NECTIN3: variants seen among roughly 807,000 people sequenced by gnomAD.
NECTIN3 encodes nectin cell adhesion molecule 3.
NECTIN3 carries 8 observed loss-of-function variants against 49.4 expected under a neutral mutation model. That is an observed-to-expected ratio of 0.16 (90% CI 0.10 to 0.29). The LOEUF is 0.29. NECTIN3 is among the 10% of genes least tolerant of loss of function. The pLI is 1.00. For synonymous variants in NECTIN3, 277 were observed against 241.1 expected, an observed-to-expected ratio of 1.15 and a Z score of -1.38; for missense variants, 581 against 654.6, an observed-to-expected ratio of 0.89 and a Z score of 1.23.
At chr3:111,124,575 T>G (rs2107475101) in intron 4 of NECTIN3, among the ~76,000 whole-genome samples, 1 of 152,320 alleles carries the variant, frequency 6.6e-6, no homozygotes, top group African/African-American at 2.4e-5. Context: ...CAAAGCCTTC[T>G]AAAGAAAAAG....
At chr3:111,159,902 A>T (rs1357722399) in intron 7 of NECTIN3, among the ~76,000 whole-genome samples, 1 of 152,190 alleles carries the variant, frequency 6.6e-6, no homozygotes, top group African/African-American at 2.4e-5. Context: ...TTTTTTATAC[A>T]TACCTTAAAT....
At chr3:111,118,229 T>G (rs909871585) in intron 2 of NECTIN3, among the ~76,000 whole-genome samples, 1 of 127,240 alleles carries the variant, frequency 7.9e-6, no homozygotes, top group South Asian at 2.5e-4. Flanking sequence ...CTTTAAAATT[T>G]TTTTACTGTA....
Position 111,159,649 on chromosome 3 carries a change from C to T in NECTIN3, c.1221+12165C>T, listed in dbSNP as rs1449264593. On this transcript the variant is annotated intron_variant, in intron 7 of 8. Coordinates refer to the NECTIN3 transcript ENST00000493615. ...TCAAAGCTCAGTCTTCTACTCAAGG[C>T]GAAATTTCCTCCAACATCATTCCTA... is the stretch of plus-strand genomic sequence containing the variant. Among the ~76,000 whole-genome samples, 5 of 152,132 alleles carry T rather than the reference C, an allele frequency of 3.3e-5. No homozygotes were observed. The East Asian group carries it at 5.8e-4, about 18-fold the overall frequency.
intron 7 of NECTIN3, among the ~76,000 whole-genome samples, chr3:111,157,040 A>G (rs181032167): frequency 1.7e-4 from 26 of 152,262 alleles, no homozygotes; most frequent in Admixed American, 1.5e-3. Flanking sequence ...AAGCCCCACA[A>G]TGACATATGT....
chr3:111,072,051 C>A lies in NECTIN3; in HGVS notation c.34C>A (p.Pro12Thr). The change falls in exon 1 of 6, where the codon CCT becomes ACT. Residue 12 changes from proline to threonine, a missense_variant. Coordinates refer to ENST00000485303, the MANE Select transcript of NECTIN3 (RefSeq NM_015480.3). Reference protein sequence around the residue: ...ARTLRPSPLCPGGGKAQLSSA... With the variant: ...ARTLRPSPLCTGGGKAQLSSA... ...GACCCTGCGGCCGTCCCCGCTGTGT[C>A]CTGGAGGCGGCAAAGCACAACTTTC... The A allele has an allele frequency of 6.5e-7, 1 of 1,547,462 alleles. No homozygotes were observed. The highest frequency in any genetic ancestry group is 1.2e-5 in the South Asian group (1 of 83,642).
At chr3:111,094,777 C>G (rs1310345990) in intron 1 of NECTIN3, among the ~76,000 whole-genome samples, 2 of 152,128 alleles carry the variant, frequency 1.3e-5, no homozygotes, top group African/African-American at 4.8e-5. Context: ...TCATTTGGGG[C>G]TGATCATGAG....
Position 111,133,630 on chromosome 3 carries a change from A to C in NECTIN3, c.1070-5A>C, listed in dbSNP as rs767199815. 6.2e-7 allele frequency: 1 copy of C among 1,609,544 alleles called. No homozygotes were observed. The highest frequency in any genetic ancestry group is 1.1e-5 in the South Asian group (1 of 90,324). On this transcript the variant is annotated splice_polypyrimidine_tract_variant and splice_region_variant and intron_variant, in intron 5 of 5. Coordinates refer to ENST00000485303, the MANE Select transcript of NECTIN3 (RefSeq NM_015480.3). ...TGTCTTCTCTATCTTTACTGTTTCC[A>C]TTAGATCCTCCTACTACTACCACCC...
intron 7 of NECTIN3, among the ~76,000 whole-genome samples, chr3:111,171,472 C>T (rs2035431639): frequency 6.6e-6 from 1 of 152,212 alleles, no homozygotes; most frequent in Non-Finnish European, 1.5e-5. Flanking sequence ...TGCTACTTCT[C>T]ATTCATCAGT....
intron 7 of NECTIN3, among the ~76,000 whole-genome samples, chr3:111,162,186 A>T (rs1040714214): frequency 6.6e-6 from 1 of 152,112 alleles, no homozygotes; most frequent in Non-Finnish European, 1.5e-5. Context: ...TAGACCTTGA[A>T]AATTAAACAC....
chr3:111,148,815 TA>T (rs942185037), intron 7 of NECTIN3, among the ~76,000 whole-genome samples: 22 of 152,118 alleles, frequency 1.4e-4, no homozygotes, highest in African/African-American at 4.1e-4. Flanking sequence ...ATTCATCTCT[TA>T]TTTTTTAACC....
rs202203829 is a variant in NECTIN3, at chr3:111,134,039, A to G, written c.1474A>G (p.Lys492Glu). Residue 492 changes from lysine to glutamate, a missense_variant, in exon 6 of 6, where the codon AAA (lysine) becomes GAA (glutamate). Lys to Glu is a moderately conservative substitution (Grantham distance 56, BLOSUM62 1). Around this residue, in one of 3 missense-constraint regions of NECTIN3, gnomAD observed 238 missense variants for 244.9 expected, o/e 0.97. Transcript: ENST00000485303. The part of the protein sequence containing the change: ...IRKDYLEEPE[K>E]TQWNNVENLN... The stretch of plus-strand genomic sequence containing the variant: ...TAAAGACTATTTAGAAGAGCCTGAA[A>G]AAACTCAGTGGAACAATGTAGAAAA... The G allele has an allele frequency of 1.2e-4, 192 of 1,613,168 alleles. No homozygotes were observed. Among genetic ancestry groups the G allele is most frequent in the Middle Eastern group, 1.6e-4 (1 of 6,080 alleles).
intron 7 of NECTIN3, among the ~76,000 whole-genome samples, chr3:111,177,965 A>C (rs1375260828): frequency 6.6e-6 from 1 of 152,210 alleles, no homozygotes; most frequent in Non-Finnish European, 1.5e-5. Flanking sequence ...ATTTAGGTAA[A>C]GTATCACTTT....
chr3:111,105,857 C>T (rs576670258), intron 1 of NECTIN3, among the ~76,000 whole-genome samples: 1 of 152,190 alleles, frequency 6.6e-6, no homozygotes, highest in East Asian at 1.9e-4. Flanking sequence ...TTGTTTCAGG[C>T]AAAAGGATAA....
At chr3:111,184,568 T>C (rs1395674711) in intron 7 of NECTIN3, among the ~76,000 whole-genome samples, 2 of 152,210 alleles carry the variant, frequency 1.3e-5, no homozygotes. Flanking sequence ...AATAAACTTC[T>C]ATTGTTTACA....
Position 111,135,223 on chromosome 3 carries a change from T to C in NECTIN3, c.*1008T>C. 1 of 973,686 alleles carries C rather than the reference T, an allele frequency of 1.0e-6. No homozygotes were observed. Among genetic ancestry groups the C allele is most frequent in the Non-Finnish European group, 1.2e-6 (1 of 819,426 alleles). The allele number at this position is 973,686 out of a possible 1,614,324, so 60.3% of individuals were successfully genotyped here. On this transcript the variant is annotated 3_prime_UTR_variant, in exon 6 of 6. Coordinates refer to ENST00000485303, the MANE Select transcript of NECTIN3 (RefSeq NM_015480.3). ...GGGTAAATGTACAGAAAGAAAATTT[T>C]AGAGTAAACTTGGAACTTTGGATAT...
chr3:111,155,899 G>C (rs2035089222), intron 7 of NECTIN3, among the ~76,000 whole-genome samples: 1 of 152,094 alleles, frequency 6.6e-6, no homozygotes, highest in Non-Finnish European at 1.5e-5. Context: ...AATAATATCT[G>C]TTACTACCTA....
intron 4 of NECTIN3, 146 bp from the exon 5 acceptor site, chr3:111,126,037 CT>C (rs895408809): frequency 9.3e-4 from 505 of 543,424 alleles, no homozygotes; most frequent in South Asian, 2.3e-3. Context: ...AAATTTGTTA[CT>C]TTTTTTTTAT....
intron 7 of NECTIN3, among the ~76,000 whole-genome samples, chr3:111,183,129 C>G (rs2035655906): frequency 6.6e-6 from 1 of 151,402 alleles, no homozygotes; most frequent in Non-Finnish European, 1.5e-5. Flanking sequence ...TTATTTCTCC[C>G]TGCGTTATAA....
Position 111,136,483 on chromosome 3 carries a change from T to C in NECTIN3, c.*2268T>C. 1.0e-6 allele frequency: 1 copy of C among 983,854 alleles called. No individual in the cohort carries two copies. The highest frequency in any genetic ancestry group is 1.2e-6 in the Non-Finnish European group (1 of 828,660). 60.9% of individuals were successfully genotyped at this position (983,854 alleles called of 1,614,324 possible). ...CTAAAAGGTTTCTGTGTTGTAAGAA[T>C]CTGATACTAGTGCTTAAGACTTTGG... On this transcript the variant is annotated 3_prime_UTR_variant, in exon 6 of 6. Transcript: ENST00000485303.
Sources: allele counts gnomAD v4.1 joint callset (sites outside exome capture counted in the v4.1 genomes callset), GRCh38; gene constraint gnomAD v4.1.1; regional missense constraint gnomAD v4.1.1; transcripts MANE v1.5; gene names NCBI Gene and HGNC (gene_info 2026-07-23, HGNC 2026-07-21).